Variants in DNAJB6 observed in about 807,000 individuals in gnomAD.
DNAJB6 encodes the protein DnaJ heat shock protein family (Hsp40) member B6, also known as dnaJ homolog subfamily B member 6.
Under a neutral mutation model 42.7 loss-of-function variants are expected in DNAJB6, and 16 were observed. The ratio of observed to expected loss-of-function variants is 0.37; its 90% CI spans 0.25 to 0.57. The LOEUF (loss-of-function observed/expected upper bound fraction) is 0.57. Ranked by LOEUF, DNAJB6 falls within the 20% of genes least tolerant of loss-of-function variation. The probability of loss-of-function intolerance (pLI) is 0.74; values close to 1 mark genes in which losing one functional copy is unlikely to be tolerated. For synonymous variants in DNAJB6, 170 were observed against 163.5 expected (o/e 1.04, Z -0.30); for missense variants, 347 against 416.8 (o/e 0.83, Z 1.46).
intron 1 of DNAJB6, among the ~76,000 whole-genome samples, chr7:157,348,290 C>T (rs574476700): frequency 1.3e-4 from 20 of 152,142 alleles, no homozygotes; most frequent in African/African-American, 3.1e-4. Context: ...GATGGGGTTT[C>T]GCCATGTTGG....
At chr7:157,357,273 TCCGTC>T (rs1799343532) in intron 1 of DNAJB6, among the ~76,000 whole-genome samples, 2 of 56,612 alleles carry the variant, frequency 3.5e-5, no homozygotes, top group African/African-American at 1.2e-4. Context: ...CGTCCTTCCT[TCCGTC>T]CTTCCTTCCG....
chr7:157,369,865 CACATTATTATTAAACAGGCCCCTTCTCA>C (rs1563128418), intron 5 of DNAJB6, among the ~76,000 whole-genome samples: 7 of 113,052 alleles, frequency 6.2e-5, no homozygotes, highest in African/African-American at 2.7e-4. Flanking sequence ...GCCCCTTCTT[CACATTATTATTAAACAGGCCCCTTCTCA>C]ACATTATTAT....
intron 5 of DNAJB6, chr7:157,378,491 G>A (rs1223818420): frequency 2.0e-5 from 3 of 152,174 alleles, no homozygotes; most frequent in Non-Finnish European, 4.4e-5. Flanking sequence ...GGAGCCCCAC[G>A]GGAGCATTGT....
chr7:157,338,850 G>C (rs566076433), intron 1 of DNAJB6, among the ~76,000 whole-genome samples: 8 of 152,322 alleles, frequency 5.3e-5, no homozygotes, highest in Non-Finnish European at 1.2e-4. Context: ...GAGAACAAAG[G>C]GGTTGGGAAG....
chr7:157,407,234 C>T (rs1360071924), intron 8 of DNAJB6, among the ~76,000 whole-genome samples: 7 of 152,174 alleles, frequency 4.6e-5, no homozygotes, highest in African/African-American at 7.2e-5. Context: ...TGGAGTGGGG[C>T]GAGTGAGCGG....
At chr7:157,394,884 G>C (rs1801509601) in intron 8 of DNAJB6, among the ~76,000 whole-genome samples, 1 of 152,194 alleles carries the variant, frequency 6.6e-6, no homozygotes, top group South Asian at 2.1e-4. Context: ...CGGGTGGATT[G>C]CTTGAGCCCA....
At chr7:157,411,412 T>C (rs879455741) in intron 9 of DNAJB6, 9 of 144,472 alleles carry the variant, frequency 6.2e-5, no homozygotes, top group East Asian at 2.2e-4. Flanking sequence ...CCAGGATCCC[T>C]GCACTGAGCG....
At chr7:157,373,879 A>G (rs1343816386) in intron 5 of DNAJB6, among the ~76,000 whole-genome samples, 2 of 152,244 alleles carry the variant, frequency 1.3e-5, no homozygotes, top group East Asian at 1.9e-4. Flanking sequence ...TTTTAAATAC[A>G]CATAAAAACA....
intron 5 of DNAJB6, chr7:157,380,014 A>C (rs936646093): frequency 6.6e-6 from 1 of 152,014 alleles, no homozygotes. Flanking sequence ...GGGTTTTACC[A>C]TGTTGGCCAG....
chr7:157,382,100 C>T lies in DNAJB6; in HGVS notation c.347-146C>T, dbSNP rs140169695. 9,845 of 775,034 alleles carry T rather than the reference C, an allele frequency of 0.013. 94 individuals are homozygous for T. The highest frequency in any genetic ancestry group is 0.03 in the Middle Eastern group (81 of 2,744). 48.0% of individuals were successfully genotyped at this position (775,034 alleles called of 1,614,324 possible). On this transcript the variant is annotated intron_variant, in intron 5 of 9. Coordinates refer to ENST00000262177, the MANE Select transcript of DNAJB6 (RefSeq NM_058246.4). ...TTGGTGAGGTAGTGTTTCAGTTACT[C>T]TGTAGATAAGCTCTTTTGTTAAAAC...
At chr7:157,379,671 G>GA (rs971814154) in intron 5 of DNAJB6, 2 of 152,534 alleles carry the variant, frequency 1.3e-5, no homozygotes, top group Non-Finnish European at 2.9e-5. Context: ...TTATTGTAGA[G>GA]AAGGGGTCTT....
intron 3 of DNAJB6, among the ~76,000 whole-genome samples, chr7:157,366,288 C>T (rs941038733): frequency 6.6e-6 from 1 of 152,108 alleles, no homozygotes; most frequent in African/African-American, 2.4e-5. Flanking sequence ...TGTAAAAATT[C>T]AACATACTGA....
At chr7:157,382,114 T>A in intron 5 of DNAJB6, 132 bp from the exon 6 acceptor site, 2 of 1,017,674 alleles carry the variant, frequency 2.0e-6, no homozygotes, top group Non-Finnish European at 1.4e-6. Flanking sequence ...AGATAAGCTC[T>A]TTTGTTAAAA....
intron 2 of DNAJB6, among the ~76,000 whole-genome samples, chr7:157,361,850 C>T (rs1284335318): frequency 6.6e-6 from 1 of 152,168 alleles, no homozygotes; most frequent in Non-Finnish European, 1.5e-5. Flanking sequence ...CTCACTGCAA[C>T]CTCTTTCTCC....
chr7:157,372,750 A>G (rs1481211942), intron 5 of DNAJB6, among the ~76,000 whole-genome samples: 1 of 152,034 alleles, frequency 6.6e-6, no homozygotes, highest in Non-Finnish European at 1.5e-5. Context: ...AACTACCAAA[A>G]TGTACCATCT....
chr7:157,346,820 C>T (rs1255006650), intron 1 of DNAJB6, among the ~76,000 whole-genome samples: 4 of 152,144 alleles, frequency 2.6e-5, no homozygotes, highest in Non-Finnish European at 4.4e-5. Context: ...CTTGGAGACA[C>T]GTGGATTTCT....
intron 2 of DNAJB6, among the ~76,000 whole-genome samples, chr7:157,362,078 T>A (rs1430516957): frequency 6.6e-6 from 1 of 152,168 alleles, no homozygotes; most frequent in Non-Finnish European, 1.5e-5. Flanking sequence ...TTTTTTTGTA[T>A]TTAAATAGCG....
intron 9 of DNAJB6, chr7:157,414,605 G>GCGCATCT (rs1796066289): frequency 1.4e-5 from 2 of 142,694 alleles, no homozygotes; most frequent in Non-Finnish European, 3.2e-5. Context: ...GGTTCTGAAC[G>GCGCATCT]CGCATCTCGT....
chr7:157,407,191 G>A (rs1345597856), intron 8 of DNAJB6, among the ~76,000 whole-genome samples: 1 of 152,264 alleles, frequency 6.6e-6, no homozygotes, highest in Non-Finnish European at 1.5e-5. Context: ...GCCAGGATGT[G>A]TGGGGTTACC....
Sources: gnomAD v4.1 joint callset for allele counts (sites outside exome capture counted in the v4.1 genomes callset) on GRCh38, gnomAD v4.1.1 for gene constraint, MANE v1.5 for transcripts, NCBI Gene and HGNC (gene_info 2026-07-23, HGNC 2026-07-21) for gene names.